Variants in PEX1 observed in about 807,000 individuals in gnomAD.
PEX1 encodes peroxisomal biogenesis factor 1.
Under a neutral mutation model 152.5 loss-of-function variants are expected in PEX1, and 97 were observed. That is an observed-to-expected ratio of 0.64 (90% CI 0.54 to 0.75). The LOEUF is 0.75. Among genes scored for constraint, PEX1 ranks in the 30% least tolerant of loss-of-function variants. PEX1 has a pLI of 0.00. For missense variants in PEX1, 1,357 were observed against 1,516.3 expected, an observed-to-expected ratio of 0.89 and a Z score of 1.74; for synonymous variants, 485 against 531.6, an observed-to-expected ratio of 0.91 and a Z score of 1.21.
chr7:92,493,216 A>G, intron 19 of PEX1, 87 bp from the exon 20 acceptor site: 3 of 779,506 alleles, frequency 3.8e-6, no homozygotes, highest in Non-Finnish European at 4.1e-6. Context: ...TTCTTCATAA[A>G]TTAACCTTAT....
intron 2 of PEX1, among the ~76,000 whole-genome samples, chr7:92,519,493 T>A (rs1387036347): frequency 3.9e-5 from 6 of 152,102 alleles, no homozygotes; most frequent in Non-Finnish European, 7.4e-5. Flanking sequence ...AATTACAGAA[T>A]GAAGAAAAAT....
At chr7:92,523,312 T>G (rs1334127604) in intron 1 of PEX1, among the ~76,000 whole-genome samples, 1 of 152,158 alleles carries the variant, frequency 6.6e-6, no homozygotes, top group Non-Finnish European at 1.5e-5. Context: ...TATTGCATCA[T>G]AAGCATTTTC....
Position 92,518,124 on chromosome 7 carries a change from A to G in PEX1, c.472+17T>C. ...TATAGTGTAGAATATGACAGCAAAT[A>G]TTACAATAGCACCTACCAATTTGGA... On this transcript the variant is annotated intron_variant, in intron 4 of 23. Coordinates refer to ENST00000248633, the MANE Select transcript of PEX1 (RefSeq NM_000466.3). 1.2e-6 allele frequency: 2 copies of G among 1,604,892 alleles called. No individual in the cohort carries two copies. Among genetic ancestry groups the G allele is most frequent in the Non-Finnish European group, 1.7e-6 (2 of 1,171,670 alleles).
In PEX1 at chr7:92,515,067, CTATATATATATATATATATA is replaced by C. The variant is rs67750906; in HGVS notation, c.1240-1120_1240-1101del. Among the ~76,000 whole-genome samples, 623 of 125,054 alleles carry C rather than the reference CTATATATATATATATATATA, an allele frequency of 5.0e-3. 9 individuals are homozygous for C. Among genetic ancestry groups the C allele is most frequent in the African/African-American group, 0.017 (550 of 32,918 alleles). 82.0% of individuals were successfully genotyped at this position (125,054 alleles called of 152,430 possible). A position where few individuals can be genotyped will look rare whatever the true frequency, so the allele number is the denominator to read the frequency against. ...GTCTCAAGAAAAAAAAAAAAATTATCTATATATATATATATATATATATATATATATATATATATATATAT... is the reference window on the plus strand; with the variant it reads ...GTCTCAAGAAAAAAAAAAAAATTATCTATATATATATATATATATATATAT... On this transcript the variant is annotated intron_variant, in intron 5 of 23. Transcript: ENST00000248633.
chr7:92,516,232 G>T (rs1792780073), intron 5 of PEX1, among the ~76,000 whole-genome samples: 1 of 151,670 alleles, frequency 6.6e-6, no homozygotes, highest in Non-Finnish European at 1.5e-5. Context: ...TCCAGACCAG[G>T]CTGGCTAACA....
intron 9 of PEX1, 92 bp from the exon 10 acceptor site, chr7:92,507,218 G>C (rs1424642263): frequency 9.9e-7 from 1 of 1,013,666 alleles, no homozygotes; most frequent in Admixed American, 2.4e-5. Flanking sequence ...TCCCAGTGTA[G>C]TTAATTAATT....
Position 92,517,896 on chromosome 7 carries a change from T to C in PEX1, c.619A>G (p.Lys207Glu). 1 of 1,555,272 alleles carries C rather than the reference T, an allele frequency of 6.4e-7. No homozygotes were observed. ...GTTTGAAGTTCTTTCATCATTCCTTTCTGGTCTCTTCCATAACTATGAAGT... is the reference window on the plus strand; with the variant it reads ...GTTTGAAGTTCTTTCATCATTCCTTCCTGGTCTCTTCCATAACTATGAAGT... ...KKLHSYGRDQ[K>E]GMMKELQTKQ... The change falls in exon 5 of 24, where the codon AAA (lysine) becomes GAA (glutamate). Residue 207 changes from lysine (K) to glutamate (E), a missense_variant. Physicochemically the swap from Lys to Glu is moderately conservative, Grantham distance 56. Transcript: ENST00000248633.
intron 13 of PEX1, among the ~76,000 whole-genome samples, chr7:92,502,754 A>G (rs530953453): frequency 6.6e-6 from 1 of 152,328 alleles, no homozygotes; most frequent in Admixed American, 6.5e-5. Flanking sequence ...AAAAAAGTTT[A>G]ATTAATGAAG....
chr7:92,524,339 C>T (rs1372368242), intron 1 of PEX1, among the ~76,000 whole-genome samples: 1 of 151,636 alleles, frequency 6.6e-6, no homozygotes, highest in East Asian at 1.9e-4. Context: ...ACAATCTCGG[C>T]TCACTGCAAC....
At chr7:92,496,048 T>C (rs1791637025) in intron 17 of PEX1, among the ~76,000 whole-genome samples, 1 of 152,174 alleles carries the variant, frequency 6.6e-6, no homozygotes, top group South Asian at 2.1e-4. Flanking sequence ...GTGGAAGAGG[T>C]TTATTTTGTT....
intron 1 of PEX1, 143 bp downstream of exon 1, chr7:92,528,164 A>G: frequency 9.6e-7 from 1 of 1,037,484 alleles, no homozygotes; most frequent in Admixed American, 2.2e-5. Flanking sequence ...ACTACCCAGA[A>G]GGGCCCTGCC....
rs139853655 is a variant in PEX1 at position 92,509,396 on chromosome 7, T to C, written c.1603A>G (p.Met535Val). ...TCCTCACTGTTTTCTTCTTTTACCA[T>C]AGGATCTAGAAGGACCTACAGTTGC... is the stretch of plus-strand genomic sequence containing the variant. ...KTTIQVLLDP[M>V]VKEENSEEID... The change falls in exon 9 of 24, where the codon ATG (methionine) becomes GTG (valine). Residue 535 changes from methionine to valine, a missense_variant. Met to Val is a conservative substitution (Grantham distance 21, BLOSUM62 1). Transcript: ENST00000248633. The C allele has an allele frequency of 3.1e-6, 5 of 1,610,882 alleles. No individual in the cohort carries two copies. In the Middle Eastern group the frequency reaches 6.6e-4, roughly 212 times the overall value.
rs1793060614 is a variant in PEX1 at position 92,521,758 on chromosome 7, G to C, written c.273+344C>G. ...AGCTGAATTTTTTATTTTTAATCAAGTGAGACCATGGAAGGTTATAAAATA... is the reference window on the plus strand; with the variant it reads ...AGCTGAATTTTTTATTTTTAATCAACTGAGACCATGGAAGGTTATAAAATA... On this transcript the variant is annotated intron_variant, in intron 2 of 23. Coordinates refer to ENST00000248633, the MANE Select transcript of PEX1 (RefSeq NM_000466.3). Among the ~76,000 whole-genome samples the C allele has an allele frequency of 2.0e-5, 3 of 152,238 alleles. No individual in the cohort carries two copies. The South Asian group carries it at 6.2e-4, about 32-fold the overall frequency.
intron 17 of PEX1, among the ~76,000 whole-genome samples, chr7:92,496,199 CT>C (rs1157876921): frequency 2.6e-5 from 4 of 152,112 alleles, no homozygotes; most frequent in Admixed American, 6.5e-5. Context: ...AAAACAGTAA[CT>C]TTTATTTTAA....
chr7:92,511,149 T>C (rs1792444393), intron 7 of PEX1, 102 bp from the exon 8 acceptor site: 1 of 697,772 alleles, frequency 1.4e-6, no homozygotes, highest in Admixed American at 2.6e-5. Context: ...GACTTTTTTT[T>C]TTTTCCCCCC....
In PEX1 at chr7:92,489,396, G is replaced by C. The variant is rs767870400; in HGVS notation, c.3664C>G (p.Pro1222Ala). The C allele has an allele frequency of 6.2e-7, 1 of 1,612,714 alleles. No individual in the cohort carries two copies. The highest frequency in any genetic ancestry group is 1.3e-5 in the African/African-American group (1 of 74,866). Residue 1222 changes from proline to alanine, a missense_variant, in exon 23 of 24, where the codon CCA becomes GCA. By Grantham distance (27) the Pro-to-Ala change is conservative. Coordinates refer to ENST00000248633, the MANE Select transcript of PEX1 (RefSeq NM_000466.3). The part of the protein sequence containing the change: ...GEDESMNQPG[P>A]IKTRLAISQS... ...CTAATAGCCAGTCTGGTTTTGATTG[G>C]TCCTGGTTGGTTCATGGATTCGTCC...
chr7:92,498,593 A>G (rs943823622), intron 16 of PEX1, among the ~76,000 whole-genome samples: 1 of 152,228 alleles, frequency 6.6e-6, no homozygotes, highest in African/African-American at 2.4e-5. Context: ...CTTGGAATCT[A>G]ATTGCCCTTT....
chr7:92,514,856 C>T (rs1792649677), intron 5 of PEX1, among the ~76,000 whole-genome samples: 1 of 151,840 alleles, frequency 6.6e-6, no homozygotes, highest in Non-Finnish European at 1.5e-5. Context: ...TTGAGACCAG[C>T]GTGGCCAATA....
chr7:92,524,854 C>T (rs1793197505), intron 1 of PEX1, among the ~76,000 whole-genome samples: 1 of 152,078 alleles, frequency 6.6e-6, no homozygotes, highest in African/African-American at 2.4e-5. Flanking sequence ...GGTGATCAAG[C>T]CCCAGATGCT....
Sources: gnomAD v4.1 joint callset for allele counts (sites outside exome capture counted in the v4.1 genomes callset) on GRCh38, gnomAD v4.1.1 for gene constraint, MANE v1.5 for transcripts, NCBI Gene and HGNC (gene_info 2026-07-23, HGNC 2026-07-21) for gene names.